The following SLC4A8 variants were observed in gnomAD, a reference collection of about 807,000 sequenced individuals.
SLC4A8 encodes electroneutral sodium bicarbonate exchanger 1.
In SLC4A8, 40 loss-of-function variants were observed where a neutral mutation model predicts 125.0. The ratio of observed to expected loss-of-function variants is 0.32; its 90% confidence interval spans 0.25 to 0.42. The LOEUF is 0.42. SLC4A8 is among the 10% of genes least tolerant of loss of function. The pLI is 1.00. For missense variants in SLC4A8, 863 were observed against 1,355.1 expected (o/e 0.64, Z 5.70); for synonymous variants, 456 against 476.0 (o/e 0.96, Z 0.55).
At chr12:51,432,543 C>A (rs527689644) in intron 1 of SLC4A8, among the ~76,000 whole-genome samples, 1 of 151,626 alleles carries the variant, frequency 6.6e-6, no homozygotes, top group African/African-American at 2.4e-5. Flanking sequence ...GCGAACATGG[C>A]GAAACCCAGT....
chr12:51,479,770 A>G (rs1364042760), intron 16 of SLC4A8, among the ~76,000 whole-genome samples: 1 of 152,046 alleles, frequency 6.6e-6, no homozygotes, highest in Non-Finnish European at 1.5e-5. Flanking sequence ...AATTTTATAA[A>G]TAAACTTTGT....
Position 51,462,510 on chromosome 12 carries a change from A to G in SLC4A8, c.1248+54A>G, listed in dbSNP as rs1950362094. On this transcript the variant is annotated intron_variant, in intron 10 of 24. Coordinates refer to ENST00000453097, the MANE Select transcript of SLC4A8 (RefSeq NM_001039960.3). ...TATTGTCACTTACTGACTGCCCACC[A>G]TGGACAAAGCAAAGACCATGTGGGT... 12 of 1,453,628 alleles carry G rather than the reference A, an allele frequency of 8.3e-6. 1 individual carries two copies. In the South Asian group the frequency reaches 1.4e-4, roughly 17 times the overall value. The allele number at this position is 1,453,628 out of a possible 1,614,324, so 90.0% of individuals were successfully genotyped here. A position where few individuals can be genotyped will look rare whatever the true frequency, so the allele number is the denominator to read the frequency against.
Position 51,488,766 on chromosome 12 carries a change from C to A in SLC4A8, c.2354C>A (p.Ala785Asp). 1 of 1,613,124 alleles carries A rather than the reference C, an allele frequency of 6.2e-7. No homozygotes were observed. The highest frequency in any genetic ancestry group is 8.5e-7 in the Non-Finnish European group (1 of 1,179,102). The change falls in exon 18 of 25, where the codon GCT (alanine) becomes GAT (aspartate). Residue 785 changes from alanine (A) to aspartate (D), a missense_variant. Physicochemically the swap from Ala to Asp is moderately radical, Grantham distance 126 (BLOSUM62 -2). Transcript: ENST00000453097. ...IGPNPWWTVI[A>D]AIIPALLCTI... ...CCCAATCCCTGGTGGACTGTGATAG[C>A]TGCAATTATCCCAGCTCTTCTCTGT...
rs2138466742 is a variant in SLC4A8 at position 51,508,647 on chromosome 12, A to C, written c.*1209A>C. The C allele has an allele frequency of 6.6e-6, 1 of 152,612 alleles. No individual in the cohort carries two copies. The highest frequency in any genetic ancestry group is 1.9e-4 in the East Asian group (1 of 5,208). 9.5% of individuals were successfully genotyped at this position (152,612 alleles called of 1,614,324 possible). On this transcript the variant is annotated 3_prime_UTR_variant, in exon 25 of 25. Transcript: ENST00000453097. ...CTGGGAAATGAACTGTAAGTGGTGA[A>C]ATTAGTTTTGGTATTTAATTTAAAA...
chr12:51,445,993 A>C (rs1207449723), intron 2 of SLC4A8, among the ~76,000 whole-genome samples: 1 of 152,184 alleles, frequency 6.6e-6, no homozygotes, highest in East Asian at 1.9e-4. Flanking sequence ...GTAGTGTGCT[A>C]CAGGGATTTC....
intron 19 of SLC4A8, among the ~76,000 whole-genome samples, chr12:51,490,769 C>A (rs1951292966): frequency 6.6e-6 from 1 of 151,966 alleles, no homozygotes; most frequent in Non-Finnish European, 1.5e-5. Context: ...GAGGCAGGGG[C>A]AGATCATGTA....
chr12:51,415,264 TAG>T (rs1442093818), intron 1 of SLC4A8, among the ~76,000 whole-genome samples: 2 of 151,906 alleles, frequency 1.3e-5, no homozygotes, highest in African/African-American at 4.8e-5. Flanking sequence ...TGGAATGAGT[TAG>T]AGAGAATTCC....
intron 1 of SLC4A8, among the ~76,000 whole-genome samples, chr12:51,411,579 G>A (rs934020312): frequency 2.9e-4 from 43 of 150,282 alleles, no homozygotes; most frequent in African/African-American, 9.7e-4. Flanking sequence ...ATGAGAGTGA[G>A]ACCCTGCCAC....
intron 1 of SLC4A8, 147 bp downstream of exon 1, chr12:51,425,182 G>T (rs1948926387): frequency 4.9e-6 from 7 of 1,423,888 alleles, no homozygotes; most frequent in Non-Finnish European, 6.4e-6. Flanking sequence ...ACACCAGGGG[G>T]CGCTCCGGGC....
At chr12:51,488,218 G>A (rs1951211125) in intron 17 of SLC4A8, among the ~76,000 whole-genome samples, 1 of 152,180 alleles carries the variant, frequency 6.6e-6, no homozygotes, top group South Asian at 2.1e-4. Context: ...TTTGAGAGAA[G>A]AAAAGTTTTT....
intron 20 of SLC4A8, chr12:51,494,692 G>T: frequency 2.8e-6 from 1 of 356,246 alleles, no homozygotes. Context: ...AGCTCTCTTA[G>T]GAGACACAGT....
chr12:51,502,705 G>A (rs951814920), intron 22 of SLC4A8, among the ~76,000 whole-genome samples: 4 of 151,810 alleles, frequency 2.6e-5, no homozygotes, highest in Admixed American at 2.6e-4. Flanking sequence ...AGTAACAGAC[G>A]TTGGCATGGT....
At position 51,471,311 on chromosome 12, in the gene SLC4A8, C is replaced by T. The variant is rs757754949; in HGVS notation, c.1683C>T (p.Ser561=). ...FCKDYALSYL[S]LRACIGLWTA... Reference sequence around the variant, plus strand: ...GAGACTATGCTCTTTCATACCTCTCCCTGCGAGCTTGTATTGGACTGTGGA... The same window carrying T: ...GAGACTATGCTCTTTCATACCTCTCTCTGCGAGCTTGTATTGGACTGTGGA... Residue 561 remains serine (S), a synonymous_variant, in exon 14 of 25, where the codon TCC becomes TCT. Transcript: ENST00000453097. The T allele has an allele frequency of 1.5e-5, 25 of 1,613,210 alleles. No individual in the cohort carries two copies. The South Asian group carries it at 2.6e-4, about 17-fold the overall frequency.
chr12:51,440,668 G>T, intron 1 of SLC4A8, 40 bp from the exon 2 acceptor site: 1 of 1,475,822 alleles, frequency 6.8e-7, no homozygotes, highest in Non-Finnish European at 9.4e-7. Flanking sequence ...TTTGAACGAG[G>T]TATGTGTATT....
In SLC4A8 at chr12:51,424,844, T is replaced by G; in HGVS notation, c.-144T>G. The G allele has an allele frequency of 1.2e-6, 1 of 831,352 alleles. No homozygotes were observed. Among genetic ancestry groups the G allele is most frequent in the Non-Finnish European group, 1.9e-6 (1 of 531,944 alleles). 51.5% of individuals were successfully genotyped at this position (831,352 alleles called of 1,614,324 possible). A position where few individuals can be genotyped will look rare whatever the true frequency, so the allele number is the denominator to read the frequency against. ...GGCGGATGCCTCGCGGGCCGGTGGC[T>G]ATGGAGGCGGCGGCGGTTGATGGTT... On this transcript the variant is annotated 5_prime_UTR_variant, in exon 1 of 25. Coordinates refer to ENST00000453097, the MANE Select transcript of SLC4A8 (RefSeq NM_001039960.3).
intron 8 of SLC4A8, among the ~76,000 whole-genome samples, chr12:51,461,001 A>G (rs1181772170): frequency 1.3e-5 from 2 of 152,198 alleles, no homozygotes; most frequent in African/African-American, 2.4e-5. Context: ...ATGCCGCACA[A>G]TAGCTTCCAA....
At chr12:51,498,962 T>A (rs529863592) in intron 22 of SLC4A8, among the ~76,000 whole-genome samples, 2 of 142,070 alleles carry the variant, frequency 1.4e-5, no homozygotes, top group South Asian at 5.0e-4. Context: ...GGCAGGCAGA[T>A]CACCTGAGGT....
Position 51,453,523 on chromosome 12 carries a change from T to C in SLC4A8, c.414-16T>C. 6.2e-7 allele frequency: 1 copy of C among 1,610,888 alleles called. No homozygotes were observed. The highest frequency in any genetic ancestry group is 8.5e-7 in the Non-Finnish European group (1 of 1,178,176). On this transcript the variant is annotated splice_polypyrimidine_tract_variant and intron_variant, in intron 4 of 24. Transcript: ENST00000453097. ...ATTTTCTATCTTTGGCATCTAGTTA[T>C]TTGTAATGCTTTCAGGTGGCTGAAG...
At chr12:51,443,339 T>C (rs1483001410) in intron 2 of SLC4A8, among the ~76,000 whole-genome samples, 2 of 152,192 alleles carry the variant, frequency 1.3e-5, no homozygotes, top group African/African-American at 4.8e-5. Context: ...TGTACATTGT[T>C]AGAAACTTTG....
Sources: allele counts gnomAD v4.1 joint callset (sites outside exome capture counted in the v4.1 genomes callset), GRCh38; gene constraint gnomAD v4.1.1; transcripts MANE v1.5; gene names NCBI Gene and HGNC (gene_info 2026-07-23, HGNC 2026-07-21).